IL26: variants seen among roughly 807,000 people sequenced by gnomAD.
The protein encoded by IL26 is interleukin-26.
Under a neutral mutation model 21.7 loss-of-function variants are expected in IL26, and 23 were observed. The observed-to-expected ratio is 1.06, with a 90% CI of 0.76 to 1.50. IL26 has a LOEUF of 1.50. IL26 is among the 40% of genes most tolerant of loss of function. The pLI, the probability that IL26 is intolerant of heterozygous loss-of-function variation, is 0.00. For synonymous variants in IL26, 63 were observed against 67.8 expected (o/e 0.93, Z 0.34); for missense variants, 204 against 196.0 (o/e 1.04, Z -0.24).
chr12:68,202,827 G>A (rs1178603888), intron 3 of IL26, among the ~76,000 whole-genome samples: 1 of 152,158 alleles, frequency 6.6e-6, no homozygotes, highest in East Asian at 1.9e-4. Flanking sequence ...CTGAGGAAAG[G>A]AGAGAGAAAG....
rs530012445 is a variant in IL26, at chr12:68,213,770, C to T, written c.363+11379G>A. Among the ~76,000 whole-genome samples the T allele has an allele frequency of 5.7e-4, 87 of 151,536 alleles. 1 individual carries two copies. Among genetic ancestry groups the T allele is most frequent in the Middle Eastern group, 3.4e-3 (1 of 294 alleles). ...TTTATTTTGTATTTTCTCTCTTTTTCTTAGCTAAATGTCCACTGTTTATCT... is the reference window on the plus strand; with the variant it reads ...TTTATTTTGTATTTTCTCTCTTTTTTTTAGCTAAATGTCCACTGTTTATCT... On this transcript the variant is annotated intron_variant, in intron 3 of 4. Transcript: ENST00000229134.
chr12:68,210,338 CAAAAAA>C (rs540693081), intron 3 of IL26, among the ~76,000 whole-genome samples: 19 of 22,096 alleles, frequency 8.6e-4, no homozygotes, highest in Admixed American at 2.0e-3. Context: ...ATCAGTTTGG[CAAAAAA>C]AAAAAAAAAA....
At chr12:68,221,204 A>G (rs1482757937) in intron 3 of IL26, among the ~76,000 whole-genome samples, 1 of 152,136 alleles carries the variant, frequency 6.6e-6, no homozygotes, top group East Asian at 1.9e-4. Flanking sequence ...TAATTCAACA[A>G]CTTGGTCATT....
Position 68,201,528 on chromosome 12 carries a change from T to G in IL26, c.*317A>C, listed in dbSNP as rs572155913. On this transcript the variant is annotated 3_prime_UTR_variant, in exon 5 of 5. Transcript: ENST00000229134. The stretch of plus-strand genomic sequence containing the variant: ...TGTCATTCCCCCTCCACCCCCCACA[T>G]CCCACTCCACACACAAATATTACAC... 130 of 211,900 alleles carry G rather than the reference T, an allele frequency of 6.1e-4. No homozygotes were observed. Among genetic ancestry groups the G allele is most frequent in the Admixed American group, 1.7e-3 (31 of 18,510 alleles). The allele number at this position is 211,900 out of a possible 1,614,324, so 13.1% of individuals were successfully genotyped here. A position where few individuals can be genotyped will look rare whatever the true frequency, so the allele number is the denominator to read the frequency against.
chr12:68,224,337 G>C (rs371438610), intron 3 of IL26, among the ~76,000 whole-genome samples: 1 of 144,612 alleles, frequency 6.9e-6, no homozygotes, highest in Admixed American at 7.0e-5. Context: ...TTTGTTTTCT[G>C]CACTGGTCTT....
At chr12:68,221,028 G>C (rs1869031205) in intron 3 of IL26, among the ~76,000 whole-genome samples, 1 of 152,268 alleles carries the variant, frequency 6.6e-6, no homozygotes, top group East Asian at 1.9e-4. Context: ...CTGATCTTAT[G>C]ATTTTTATGC....
chr12:68,204,383 T>C (rs903178032), intron 3 of IL26, among the ~76,000 whole-genome samples: 19 of 152,140 alleles, frequency 1.2e-4, no homozygotes, highest in Non-Finnish European at 2.4e-4. Flanking sequence ...GACCTCATGA[T>C]CTGCCCGCCT....
chr12:68,207,513 A>G (rs11571046), intron 3 of IL26, among the ~76,000 whole-genome samples: 2,826 of 152,340 alleles, frequency 0.019, 80 homozygotes, highest in African/African-American at 0.063. Context: ...AGCATACTAC[A>G]ATAGCAACAG....
At chr12:68,210,132 T>C (rs1478864610) in intron 3 of IL26, among the ~76,000 whole-genome samples, 1 of 151,690 alleles carries the variant, frequency 6.6e-6, no homozygotes, top group Non-Finnish European at 1.5e-5. Context: ...GAGTGACAGA[T>C]AAGAGATTCA....
chr12:68,225,536 G>A (rs555074188), intron 1 of IL26, 36 bp from the exon 2 acceptor site: 2 of 1,603,600 alleles, frequency 1.2e-6, no homozygotes, highest in South Asian at 2.2e-5. Flanking sequence ...TTGTATCCAA[G>A]ATTGTAAATG....
At chr12:68,210,337 GCAAAAAAAAAAAAAAAAAAAAAAAAAA>G in intron 3 of IL26, among the ~76,000 whole-genome samples, 2 of 3,154 alleles carry the variant, frequency 6.3e-4, no homozygotes, top group Non-Finnish European at 1.6e-3. Flanking sequence ...TATCAGTTTG[GCAAAAAAAAAAAAAAAAAAAAAAAAAA>G]AAAAAAAAAA....
intron 3 of IL26, among the ~76,000 whole-genome samples, chr12:68,220,050 T>G (rs930055811): frequency 3.3e-5 from 5 of 152,072 alleles, no homozygotes; most frequent in Non-Finnish European, 7.4e-5. Flanking sequence ...TAACCTTGCA[T>G]CTACTAAAAA....
chr12:68,210,317 A>G (rs1157247543), intron 3 of IL26, among the ~76,000 whole-genome samples: 2 of 141,208 alleles, frequency 1.4e-5, no homozygotes, highest in Admixed American at 1.5e-4. Context: ...AAATAGACTA[A>G]ATAAATAAAT....
At chr12:68,224,715 AGAGGGAAGGAAGGGAGGGAGG>A (rs1430743515) in intron 3 of IL26, among the ~76,000 whole-genome samples, 1 of 113,536 alleles carries the variant, frequency 8.8e-6, no homozygotes, top group African/African-American at 3.1e-5. Context: ...GGAGGGAGGG[AGAGGGAAGGAAGGGAGGGAGG>A]GAGGGAAGAA....
chr12:68,203,190 G>A (rs563768543), intron 3 of IL26, among the ~76,000 whole-genome samples: 4 of 152,262 alleles, frequency 2.6e-5, no homozygotes, highest in South Asian at 2.1e-4. Context: ...CTACCAGTCC[G>A]CTTTGTGCAA....
intron 3 of IL26, among the ~76,000 whole-genome samples, chr12:68,205,978 G>T (rs970352246): frequency 6.6e-6 from 1 of 152,146 alleles, no homozygotes; most frequent in Admixed American, 6.6e-5. Flanking sequence ...TTCCTGTGGT[G>T]CAGTGTCTAC....
chr12:68,206,005 C>T (rs1336450706), intron 3 of IL26, among the ~76,000 whole-genome samples: 1 of 152,182 alleles, frequency 6.6e-6, no homozygotes, highest in African/African-American at 2.4e-5. Context: ...TTGAATTTCT[C>T]CAAGATCCAT....
intron 3 of IL26, among the ~76,000 whole-genome samples, chr12:68,208,758 C>T (rs1209594218): frequency 6.6e-6 from 1 of 152,142 alleles, no homozygotes; most frequent in African/African-American, 2.4e-5. Flanking sequence ...GCCTCTGCCT[C>T]CCAAAGTGCT....
intron 3 of IL26, among the ~76,000 whole-genome samples, chr12:68,220,132 C>A (rs1157413216): frequency 1.3e-5 from 2 of 151,906 alleles, no homozygotes; most frequent in Non-Finnish European, 2.9e-5. Flanking sequence ...GTAAATCTTG[C>A]CAAACATTTA....
Sources: gnomAD v4.1 joint callset for allele counts (sites outside exome capture counted in the v4.1 genomes callset) on GRCh38, gnomAD v4.1.1 for gene constraint, MANE v1.5 for transcripts, NCBI Gene and HGNC (gene_info 2026-07-23, HGNC 2026-07-21) for gene names.